Variants in MGRN1 observed in about 807,000 individuals in gnomAD.
The protein encoded by MGRN1 is E3 ubiquitin-protein ligase MGRN1.
Under a neutral mutation model 69.2 loss-of-function variants are expected in MGRN1, and 29 were observed. The ratio of observed to expected loss-of-function variants is 0.42; its 90% CI spans 0.31 to 0.57. MGRN1 has a LOEUF of 0.57. Ranked by LOEUF, MGRN1 falls within the 20% of genes least tolerant of loss-of-function variation. MGRN1 has a pLI of 0.15. For synonymous variants in MGRN1, 470 were observed against 344.2 expected (o/e 1.37, Z -4.04); for missense variants, 998 against 796.2 (o/e 1.25, Z -3.05).
At chr16:4,686,110 T>G in intron 16 of MGRN1, 1 of 963,306 alleles carries the variant, frequency 1.0e-6, no homozygotes, top group East Asian at 2.7e-5. Context: ...CAGCTGTGGT[T>G]CTCCTTGTGG....
Position 4,683,015 on chromosome 16 carries a change from A to G in MGRN1, c.1482+69A>G, listed in dbSNP as rs1383311199. The G allele has an allele frequency of 6.7e-6, 10 of 1,487,668 alleles. No homozygotes were observed. The East Asian group carries it at 9.7e-5, about 14-fold the overall frequency. The allele number at this position is 1,487,668 out of a possible 1,614,324, so 92.2% of individuals were successfully genotyped here. A position where few individuals can be genotyped will look rare whatever the true frequency, so the allele number is the denominator to read the frequency against. ...CCCTCCTCCAGCTTCTGTCGCTGGA[A>G]TCAGACCCCATCCCACTGCCCGCCT... is the stretch of plus-strand genomic sequence containing the variant. On this transcript the variant is annotated intron_variant, in intron 14 of 16. Coordinates refer to ENST00000262370, the MANE Select transcript of MGRN1 (RefSeq NM_015246.4).
chr16:4,688,887 C>CGCCGAGCTGACCCCACTCTGAGAGCCTG lies in MGRN1; in HGVS notation c.1720_*16dup. 6.4e-7 allele frequency: 1 copy of CGCCGAGCTGACCCCACTCTGAGAGCCTG among 1,550,974 alleles called. No individual in the cohort carries two copies. The highest frequency in any genetic ancestry group is 8.7e-7 in the Non-Finnish European group (1 of 1,146,622). ...GTGGCCCCAGCCCCGATCCCAGCGCCGCCGAGCTGACCCCACTCTGAGAGC... is the reference window on the plus strand; with the variant it reads ...GTGGCCCCAGCCCCGATCCCAGCGCCGCCGAGCTGACCCCACTCTGAGAGCCTGGCCGAGCTGACCCCACTCTGAGAGC... On this transcript the variant is annotated stop_gained and frameshift_variant, in exon 17 of 17. Coordinates refer to ENST00000262370, the MANE Select transcript of MGRN1 (RefSeq NM_015246.4). LOFTEE classifies it high-confidence loss of function.
chr16:4,683,110 C>T (rs928516578), intron 14 of MGRN1, 114 bp from the exon 15 acceptor site: 1 of 1,520,324 alleles, frequency 6.6e-7, no homozygotes. Flanking sequence ...GGAGGCAGCA[C>T]CCCCTGGTGG....
intron 1 of MGRN1, among the ~76,000 whole-genome samples, chr16:4,641,163 G>C (rs1435592607): frequency 1.3e-5 from 2 of 152,180 alleles, no homozygotes; most frequent in African/African-American, 4.8e-5. Context: ...ACATACAAAT[G>C]TACACAGCTC....
chr16:4,664,796 C>T (rs1410094118), intron 6 of MGRN1, 21 bp downstream of exon 6: 10 of 1,613,706 alleles, frequency 6.2e-6, no homozygotes, highest in Non-Finnish European at 7.6e-6. Context: ...CCTCTTCCGT[C>T]CTCCTGGGCG....
At chr16:4,685,601 C>A (rs188419878) in intron 16 of MGRN1, among the ~76,000 whole-genome samples, 2 of 152,358 alleles carry the variant, frequency 1.3e-5, no homozygotes, top group Admixed American at 1.3e-4. Flanking sequence ...TTCTGAGCCA[C>A]GGAGAGCACA....
chr16:4,638,326 G>A (rs1257620445), intron 1 of MGRN1, among the ~76,000 whole-genome samples: 5 of 152,102 alleles, frequency 3.3e-5, no homozygotes, highest in South Asian at 2.1e-4. Flanking sequence ...ATTGCTGGGC[G>A]TGGTGGCGGG....
chr16:4,630,297 G>T (rs1897932946), intron 1 of MGRN1, among the ~76,000 whole-genome samples: 1 of 150,572 alleles, frequency 6.6e-6, no homozygotes. Context: ...AGAGGTTGCA[G>T]TGAGCCGAGA....
intron 7 of MGRN1, among the ~76,000 whole-genome samples, chr16:4,666,895 C>G (rs970558889): frequency 3.9e-5 from 6 of 152,238 alleles, no homozygotes; most frequent in Non-Finnish European, 8.8e-5. Context: ...ACTCAGAACA[C>G]TGGCAGGATG....
rs2079230720 is a variant in MGRN1 at position 4,683,280 on chromosome 16, C to G, written c.1528+11C>G. The G allele has an allele frequency of 6.2e-7, 1 of 1,613,648 alleles. No individual in the cohort carries two copies. Among genetic ancestry groups the G allele is most frequent in the Non-Finnish European group, 8.5e-7 (1 of 1,179,948 alleles). On this transcript the variant is annotated intron_variant, in intron 15 of 16. Coordinates refer to ENST00000262370, the MANE Select transcript of MGRN1 (RefSeq NM_015246.4). Reference sequence around the variant, plus strand: ...CGTCACCACAGCAAGGTGAGCGCCTCCTTCCATGGGCACAAACCGCATGCA... The same window carrying G: ...CGTCACCACAGCAAGGTGAGCGCCTGCTTCCATGGGCACAAACCGCATGCA...
intron 1 of MGRN1, among the ~76,000 whole-genome samples, chr16:4,644,004 G>A (rs543677936): frequency 6.6e-5 from 10 of 151,882 alleles, no homozygotes; most frequent in East Asian, 5.8e-4. Flanking sequence ...ATGGAGTCTC[G>A]CTCTGTTGCC....
At chr16:4,636,125 T>C (rs1329117542) in intron 1 of MGRN1, among the ~76,000 whole-genome samples, 1 of 152,112 alleles carries the variant, frequency 6.6e-6, no homozygotes, top group Non-Finnish European at 1.5e-5. Context: ...ATTTAGGAAA[T>C]GTACAGCTCA....
At chr16:4,660,911 C>A (rs757997460) in intron 5 of MGRN1, among the ~76,000 whole-genome samples, 1 of 152,204 alleles carries the variant, frequency 6.6e-6, no homozygotes, top group East Asian at 1.9e-4. Flanking sequence ...ATCCCTCAGA[C>A]GGCTGGGAGC....
intron 4 of MGRN1, among the ~76,000 whole-genome samples, chr16:4,654,494 C>G (rs924511627): frequency 1.3e-5 from 2 of 152,214 alleles, no homozygotes; most frequent in African/African-American, 4.8e-5. Context: ...GCACATGTGC[C>G]CCAAGTGGCT....
At chr16:4,659,453 C>A (rs371166702) in intron 5 of MGRN1, among the ~76,000 whole-genome samples, 1 of 152,224 alleles carries the variant, frequency 6.6e-6, no homozygotes, top group Middle Eastern at 3.4e-3. Flanking sequence ...GTGAGGTGGC[C>A]GGGGTAGGGG....
At chr16:4,686,880 C>T in intron 16 of MGRN1, 4 of 985,562 alleles carry the variant, frequency 4.1e-6, no homozygotes, top group Non-Finnish European at 4.8e-6. Context: ...ATTGGGAGAG[C>T]CCCTGGATCA....
intron 1 of MGRN1, among the ~76,000 whole-genome samples, chr16:4,642,980 C>CAG (rs35471389): frequency 0.42 from 63,983 of 151,210 alleles, 15,017 homozygotes; most frequent in African/African-American, 0.65. Flanking sequence ...TGTTTTGAGA[C>CAG]AGTCCCACTC....
intron 5 of MGRN1, among the ~76,000 whole-genome samples, chr16:4,660,093 A>G (rs2078642702): frequency 6.6e-6 from 1 of 152,244 alleles, no homozygotes; most frequent in South Asian, 2.1e-4. Flanking sequence ...CTTAGCATCA[A>G]GAGCGCAGCT....
intron 2 of MGRN1, 99 bp downstream of exon 2, chr16:4,650,582 C>T (rs1396270877): frequency 2.1e-6 from 2 of 970,056 alleles, no homozygotes; most frequent in African/African-American, 3.3e-5. Flanking sequence ...GGCACCAAAT[C>T]ACCCCTAAAG....
Sources: allele counts gnomAD v4.1 joint callset (sites outside exome capture counted in the v4.1 genomes callset), GRCh38; gene constraint gnomAD v4.1.1; transcripts MANE v1.5; gene names NCBI Gene and HGNC (gene_info 2026-07-23, HGNC 2026-07-21).